Variants in STS observed in about 807,000 individuals in gnomAD.
STS encodes the protein steroid sulfatase, also known as steryl-sulfatase.
STS carries 7 observed loss-of-function variants against 26.8 expected under a neutral mutation model. The ratio of observed to expected loss-of-function variants is 0.26; its 90% CI spans 0.15 to 0.49. The LOEUF is 0.49. Ranked by LOEUF, STS falls within the 20% of genes least tolerant of loss-of-function variation. STS has a pLI of 0.98. For synonymous variants in STS, 199 were observed against 189.4 expected, an observed-to-expected ratio of 1.05 and a Z score of -0.42; for missense variants, 434 against 465.6, an observed-to-expected ratio of 0.93 and a Z score of 0.63.
At chrX:7,200,186 A>G (rs551311045) in intron 2 of STS, among the ~76,000 whole-genome samples, 17 of 110,506 alleles carry the variant, frequency 1.5e-4, no homozygotes, top group Middle Eastern at 9.4e-3. Context: ...CTTTGAAAAT[A>G]TTATTTAAGT....
chrX:7,209,992 A>G (rs1378336766), intron 2 of STS, among the ~76,000 whole-genome samples: 1 of 111,477 alleles, frequency 9.0e-6, no homozygotes, highest in Non-Finnish European at 1.9e-5. Context: ...TCCATGATGT[A>G]TATGTACCAC....
chrX:7,237,494 T>C (rs1355024592), intron 2 of STS, among the ~76,000 whole-genome samples: 1 of 112,043 alleles, frequency 8.9e-6, no homozygotes, highest in East Asian at 2.8e-4. Context: ...CATATTGCAA[T>C]ATTTCTTCAT....
At position 7,253,350 on chromosome X, in the gene STS, C is replaced by T. The variant is rs1323879984; in HGVS notation, c.137+14C>T. Reference sequence around the variant, plus strand: ...CAAAACTATCAGGTTGGTAATGCAGCTCCTCAGTAAACACATGGCTGTATT... The same window carrying T: ...CAAAACTATCAGGTTGGTAATGCAGTTCCTCAGTAAACACATGGCTGTATT... On this transcript the variant is annotated intron_variant, in intron 3 of 10. Transcript: ENST00000674429. 8.3e-7 allele frequency: 1 copy of T among 1,211,185 alleles called. No individual in the cohort carries two copies. The highest frequency in any genetic ancestry group is 1.7e-5 in the African/African-American group (1 of 57,718).
chrX:7,170,325 G>A (rs1209011130), intron 1 of STS, among the ~76,000 whole-genome samples: 2 of 111,015 alleles, frequency 1.8e-5, no homozygotes, highest in Non-Finnish European at 3.8e-5. Flanking sequence ...GATGTTGGGG[G>A]AGGGGTACGG....
chrX:7,167,277 A>C (rs1244727476), intron 1 of STS, among the ~76,000 whole-genome samples: 5 of 111,329 alleles, frequency 4.5e-5, no homozygotes, highest in African/African-American at 1.6e-4. Context: ...GTGCAGTGGC[A>C]GGATTGAGGC....
At chrX:7,284,914 T>A (rs1925051301) in intron 7 of STS, among the ~76,000 whole-genome samples, 1 of 111,282 alleles carries the variant, frequency 9.0e-6, no homozygotes, top group African/African-American at 3.3e-5. Flanking sequence ...AATAATGGTG[T>A]TGTGTTGATG....
At chrX:7,281,854 A>G (rs1204750822) in intron 7 of STS, among the ~76,000 whole-genome samples, 1 of 112,409 alleles carries the variant, frequency 8.9e-6, no homozygotes, top group Non-Finnish European at 1.9e-5. Flanking sequence ...GGACTGTAGC[A>G]TGCAATGAAT....
chrX:7,264,295 A>G (rs1046267086), intron 6 of STS, among the ~76,000 whole-genome samples: 5 of 112,269 alleles, frequency 4.5e-5, no homozygotes, highest in African/African-American at 1.6e-4. Context: ...TGCAATTCCT[A>G]AGAGAGGAAG....
At chrX:7,302,922 C>G (rs1366780290) in intron 7 of STS, among the ~76,000 whole-genome samples, 1 of 111,514 alleles carries the variant, frequency 9.0e-6, no homozygotes, top group East Asian at 2.8e-4. Flanking sequence ...TAAGAGCCCA[C>G]CCAAAATTTG....
intron 10 of STS, among the ~76,000 whole-genome samples, chrX:7,336,239 G>GCCGGC: frequency 1.1e-5 from 1 of 88,768 alleles, no homozygotes; most frequent in Non-Finnish European, 2.2e-5. Flanking sequence ...ACCTAGGACT[G>GCCGGC]CCCCCCCCAC....
At chrX:7,243,435 G>A (rs987281073) in intron 2 of STS, among the ~76,000 whole-genome samples, 4 of 112,018 alleles carry the variant, frequency 3.6e-5, no homozygotes, top group Non-Finnish European at 5.6e-5. Context: ...TTAGGGTAAT[G>A]TGCAGAAGAG....
chrX:7,215,054 TATATATGTATATATAC>T (rs1569191668), intron 2 of STS, among the ~76,000 whole-genome samples: 16 of 92,211 alleles, frequency 1.7e-4, no homozygotes, highest in African/African-American at 5.5e-4. Context: ...TATATATACG[TATATATGTATATATAC>T]ACGTATATAT....
chrX:7,225,333 T>C (rs1376073985), intron 2 of STS, among the ~76,000 whole-genome samples: 1 of 111,237 alleles, frequency 9.0e-6, no homozygotes, highest in African/African-American at 3.3e-5. Flanking sequence ...CAGTGCATAG[T>C]GGGGCTCATG....
chrX:7,207,769 T>G (rs1920960747), intron 2 of STS, among the ~76,000 whole-genome samples: 2 of 112,516 alleles, frequency 1.8e-5, no homozygotes, highest in African/African-American at 6.5e-5. Flanking sequence ...AATTATAAAC[T>G]GGTCAGGAAC....
At chrX:7,233,414 T>C (rs1030117539) in intron 2 of STS, among the ~76,000 whole-genome samples, 51 of 111,672 alleles carry the variant, frequency 4.6e-4, no homozygotes, top group African/African-American at 1.6e-3. Flanking sequence ...CTTTGGCACA[T>C]TGATATATTT....
At chrX:7,288,639 C>CGTGTGTGTGT (rs58375124) in intron 7 of STS, among the ~76,000 whole-genome samples, 11 of 89,585 alleles carry the variant, frequency 1.2e-4, no homozygotes, top group African/African-American at 3.2e-4. Context: ...AAATTCTGTA[C>CGTGTGTGTGT]GTGTGTGTGT....
intron 7 of STS, among the ~76,000 whole-genome samples, chrX:7,289,931 A>G (rs968115705): frequency 8.9e-6 from 1 of 111,857 alleles, no homozygotes; most frequent in African/African-American, 3.3e-5. Context: ...TTGGGATTAC[A>G]GACAGAATAT....
chrX:7,288,021 G>A (rs373523605), intron 7 of STS, among the ~76,000 whole-genome samples: 2 of 110,158 alleles, frequency 1.8e-5, no homozygotes, highest in East Asian at 5.7e-4. Context: ...GTACAGTGTT[G>A]TATTTCTTCT....
At chrX:7,286,584 G>T (rs1925144116) in intron 7 of STS, among the ~76,000 whole-genome samples, 1 of 111,371 alleles carries the variant, frequency 9.0e-6, no homozygotes, top group African/African-American at 3.3e-5. Context: ...TTACCTGAAT[G>T]CAACATGCAT....
Sources: gnomAD v4.1 joint callset for allele counts (sites outside exome capture counted in the v4.1 genomes callset) on GRCh38, gnomAD v4.1.1 for gene constraint, MANE v1.5 for transcripts, NCBI Gene and HGNC (gene_info 2026-07-23, HGNC 2026-07-21) for gene names.